MARCHF1: variants seen among roughly 807,000 people sequenced by gnomAD.
The protein encoded by MARCHF1 is E3 ubiquitin-protein ligase MARCHF1.
In MARCHF1, 40 loss-of-function variants were observed where a neutral mutation model predicts 54.2. That is an observed-to-expected ratio of 0.74 (90% confidence interval 0.57 to 0.96). The LOEUF is 0.96. MARCHF1 is among the 40% of genes least tolerant of loss of function. The pLI, the probability that MARCHF1 is intolerant of heterozygous loss-of-function variation, is 0.00. For missense variants in MARCHF1, 586 were observed against 656.5 expected, an observed-to-expected ratio of 0.89 and a Z score of 1.17; for synonymous variants, 236 against 236.3, an observed-to-expected ratio of 1.00 and a Z score of 0.01.
At chr4:164,023,233 A>G (rs2110972968) in intron 2 of MARCHF1, among the ~76,000 whole-genome samples, 1 of 152,296 alleles carries the variant, frequency 6.6e-6, no homozygotes, top group East Asian at 1.9e-4. Flanking sequence ...GAGCCAAGCA[A>G]TCTGGAACAC....
In MARCHF1 at chr4:163,569,172, C is replaced by T. The variant is rs149123304; in HGVS notation, c.1191+16577G>A. Among the ~76,000 whole-genome samples the T allele has an allele frequency of 6.2e-4, 94 of 152,242 alleles. 2 individuals are homozygous for T. The South Asian group carries it at 0.013, about 22-fold the overall frequency. The stretch of plus-strand genomic sequence containing the variant: ...CGGTCTTTTGGAACACACATTTCAA[C>T]ACTCTAAGCTGTTCCAGGGTAAAAC... On this transcript the variant is annotated intron_variant, in intron 8 of 9. Coordinates refer to ENST00000514618, the MANE Select transcript of MARCHF1 (RefSeq NM_001394959.1).
At chr4:164,180,650 A>C (rs1730808708) in intron 1 of MARCHF1, among the ~76,000 whole-genome samples, 1 of 152,200 alleles carries the variant, frequency 6.6e-6, no homozygotes, top group Admixed American at 6.5e-5. Context: ...ATTTAGGTCA[A>C]GACAGCTGAA....
At chr4:164,028,244 T>C (rs1410208206) in intron 2 of MARCHF1, among the ~76,000 whole-genome samples, 1 of 152,140 alleles carries the variant, frequency 6.6e-6, no homozygotes, top group Non-Finnish European at 1.5e-5. Flanking sequence ...GGAAAATAAA[T>C]CAGTCTACCA....
At chr4:163,633,544 G>GA (rs1158924373) in intron 5 of MARCHF1, among the ~76,000 whole-genome samples, 1 of 152,034 alleles carries the variant, frequency 6.6e-6, no homozygotes, top group Non-Finnish European at 1.5e-5. Context: ...GAAGTTTAGA[G>GA]AAAAAAGAAT....
intron 3 of MARCHF1, among the ~76,000 whole-genome samples, chr4:163,865,965 A>G (rs1579351614): frequency 6.6e-6 from 1 of 151,564 alleles, no homozygotes; most frequent in African/African-American, 2.4e-5. Flanking sequence ...TTCCTTTCCC[A>G]TAGTAACAGC....
chr4:163,579,663 A>T (rs1740155450), intron 8 of MARCHF1, among the ~76,000 whole-genome samples: 1 of 120,884 alleles, frequency 8.3e-6, no homozygotes, highest in Non-Finnish European at 1.8e-5. Context: ...TAGGCTTCAC[A>T]TAATAATAGA....
At chr4:163,884,533 C>A (rs1489209500) in intron 3 of MARCHF1, among the ~76,000 whole-genome samples, 1 of 152,132 alleles carries the variant, frequency 6.6e-6, no homozygotes, top group Non-Finnish European at 1.5e-5. Context: ...TCTCCTTCCC[C>A]TTGTTCCTAG....
At chr4:164,054,938 A>T (rs184247580) in intron 2 of MARCHF1, among the ~76,000 whole-genome samples, 2,203 of 152,102 alleles carry the variant, frequency 0.014, 38 homozygotes, top group African/African-American at 0.045. Context: ...TAATAATTTT[A>T]AAAAAAAGAA....
chr4:163,750,231 G>A (rs1451364015), intron 4 of MARCHF1, among the ~76,000 whole-genome samples: 1 of 152,054 alleles, frequency 6.6e-6, no homozygotes, highest in Non-Finnish European at 1.5e-5. Flanking sequence ...ATTTGACAGG[G>A]CCAGGCGTGG....
intron 3 of MARCHF1, among the ~76,000 whole-genome samples, chr4:163,901,222 T>C (rs1265950305): frequency 1.3e-5 from 2 of 152,220 alleles, no homozygotes; most frequent in Non-Finnish European, 2.9e-5. Flanking sequence ...TTTTTTTCTC[T>C]GTCAACAGAT....
At chr4:164,034,168 T>C (rs1417388743) in intron 2 of MARCHF1, among the ~76,000 whole-genome samples, 2 of 152,018 alleles carry the variant, frequency 1.3e-5, no homozygotes, top group Non-Finnish European at 2.9e-5. Flanking sequence ...AGGAATGAGA[T>C]CACGTGTTTG....
At chr4:163,577,552 C>T (rs886824447) in intron 8 of MARCHF1, among the ~76,000 whole-genome samples, 1 of 151,964 alleles carries the variant, frequency 6.6e-6, no homozygotes, top group Non-Finnish European at 1.5e-5. Context: ...CTGGTCACTA[C>T]ATGCCTCAGT....
chr4:164,094,640 C>T (rs1004312313), intron 2 of MARCHF1, among the ~76,000 whole-genome samples: 1 of 152,026 alleles, frequency 6.6e-6, no homozygotes, highest in Non-Finnish European at 1.5e-5. Context: ...AAAAACCTGA[C>T]AAATATTACA....
intron 3 of MARCHF1, among the ~76,000 whole-genome samples, chr4:163,931,265 A>G (rs550839276): frequency 6.6e-6 from 1 of 152,270 alleles, no homozygotes; most frequent in East Asian, 1.9e-4. Flanking sequence ...TTATTATGGC[A>G]GCCTGAGCTG....
intron 2 of MARCHF1, among the ~76,000 whole-genome samples, chr4:164,076,902 C>T (rs1754992910): frequency 6.6e-6 from 1 of 152,160 alleles, no homozygotes; most frequent in African/African-American, 2.4e-5. Context: ...AATGGAAAAA[C>T]ATTCCATGCT....
chr4:163,734,938 C>T (rs1745988895), intron 4 of MARCHF1, among the ~76,000 whole-genome samples: 2 of 152,052 alleles, frequency 1.3e-5, no homozygotes, highest in Admixed American at 1.3e-4. Context: ...TTTAATGTTC[C>T]TACTATGAGT....
chr4:164,309,776 G>T lies in MARCHF1; in HGVS notation c.-323+74094C>A, dbSNP rs189092703. On this transcript the variant is annotated intron_variant, in intron 1 of 9. Transcript: ENST00000514618. ...AAGATTAATATCCAAAAACATTAAG[G>T]GCAAAAGGACTAAACTAGACAATTG... 2.0e-4 allele frequency among the ~76,000 whole-genome samples: 30 copies of T among 152,036 alleles called. No homozygotes were observed. In the East Asian group the frequency reaches 5.8e-3, roughly 29 times the overall value.
At chr4:164,074,665 T>C (rs970308916) in intron 2 of MARCHF1, among the ~76,000 whole-genome samples, 27 of 152,190 alleles carry the variant, frequency 1.8e-4, no homozygotes, top group African/African-American at 5.5e-4. Context: ...GGAGTATTTA[T>C]AGACATGGAA....
At chr4:163,533,742 A>G (rs1738439364) in intron 9 of MARCHF1, among the ~76,000 whole-genome samples, 1 of 150,360 alleles carries the variant, frequency 6.7e-6, no homozygotes, top group South Asian at 2.1e-4. Context: ...CCATGAATTC[A>G]TCACTGTGTC....
Sources: gnomAD v4.1 joint callset for allele counts (sites outside exome capture counted in the v4.1 genomes callset) on GRCh38, gnomAD v4.1.1 for gene constraint, MANE v1.5 for transcripts, NCBI Gene and HGNC (gene_info 2026-07-23, HGNC 2026-07-21) for gene names.